Variants in WFIKKN1 observed in about 807,000 individuals in gnomAD.
WFIKKN1 encodes the protein WAP, Kazal, immunoglobulin, Kunitz and NTR domain-containing protein 1.
A neutral mutation model predicts 4.6 loss-of-function variants in WFIKKN1; 6 were observed. The ratio of observed to expected loss-of-function variants is 1.31; its 90% CI spans 0.72 to 2.59. The LOEUF is 2.59. Among genes scored for constraint, WFIKKN1 ranks in the 30% most tolerant of loss-of-function variants. The pLI, the probability that WFIKKN1 is intolerant of heterozygous loss-of-function variation, is 0.00. For missense variants in WFIKKN1, 964 were observed against 818.0 expected (o/e 1.18, Z -2.18); for synonymous variants, 468 against 367.4 (o/e 1.27, Z -3.13).
Position 631,404 on chromosome 16 carries a change from C to T in WFIKKN1, c.151C>T (p.Arg51Cys), listed in dbSNP as rs770412943. Residue 51 changes from arginine (R) to cysteine (C), a missense_variant, in exon 1 of 2, where the codon CGC becomes TGC. Physicochemically the swap from Arg to Cys is radical, Grantham distance 180 (BLOSUM62 -3). Coordinates refer to ENST00000319070, the MANE Select transcript of WFIKKN1 (RefSeq NM_053284.3). ...GGTGGACGCCCAGAGCACCTGTGAGCGCGAGTGTAGCAGGGACCAGGTGAG... is the reference window on the plus strand; with the variant it reads ...GGTGGACGCCCAGAGCACCTGTGAGTGCGAGTGTAGCAGGGACCAGGTGAG... ...LWVDAQSTCE[R>C]ECSRDQDCAA... is the part of the protein sequence containing the mutation. The T allele has an allele frequency of 8.7e-6, 14 of 1,609,222 alleles. No homozygotes were observed. Among genetic ancestry groups the T allele is most frequent in the East Asian group, 2.2e-5 (1 of 44,752 alleles).
At chr16:632,294 T>C (rs776054422) in intron 1 of WFIKKN1, 32 of 345,146 alleles carry the variant, frequency 9.3e-5, no homozygotes, top group Non-Finnish European at 1.4e-4. Context: ...ACCTGCTGGG[T>C]GGTCCTGAGC....
chr16:633,415 T>A lies in WFIKKN1; in HGVS notation c.1005T>A (p.Asp335Glu). Reference protein sequence around the residue: ...GCMTFPARGCDGAARGFETYE... With the variant: ...GCMTFPARGCEGAARGFETYE... ...TGACCTTCCCGGCCCGTGGCTGTGA[T>A]GGGGCGGCCCGCGGCTTTGAGACCT... is the stretch of plus-strand genomic sequence containing the variant. The change falls in exon 2 of 2, where the codon GAT becomes GAA. Residue 335 changes from aspartate (D) to glutamate (E), a missense_variant. Asp to Glu is a conservative substitution (Grantham distance 45). Coordinates refer to ENST00000319070, the MANE Select transcript of WFIKKN1 (RefSeq NM_053284.3). 6.4e-7 allele frequency: 1 copy of A among 1,552,096 alleles called. No homozygotes were observed. Among genetic ancestry groups the A allele is most frequent in the Non-Finnish European group, 8.6e-7 (1 of 1,158,046 alleles).
Position 633,829 on chromosome 16 carries a change from G to A in WFIKKN1, c.1419G>A (p.Leu473=). 6.2e-7 allele frequency: 1 copy of A among 1,602,334 alleles called. No individual in the cohort carries two copies. Among genetic ancestry groups the A allele is most frequent in the Non-Finnish European group, 8.5e-7 (1 of 1,175,010 alleles). Residue 473 remains leucine (L), a synonymous_variant, in exon 2 of 2, where the codon TTG becomes TTA. Transcript: ENST00000319070. ...ATGACAAGATGGGCCTCAAGTTCTT[G>A]GGCACCAAGTACCTGGAGGTGACGC... ...LKDDKMGLKF[L]GTKYLEVTLS...
rs568734390 is a variant in WFIKKN1 at position 632,695 on chromosome 16, C to T, written c.285C>T (p.Gly95=). The T allele has an allele frequency of 6.2e-7, 1 of 1,609,468 alleles. No individual in the cohort carries two copies. Among genetic ancestry groups the T allele is most frequent in the East Asian group, 2.2e-5 (1 of 44,726 alleles). Residue 95 remains glycine (G), a synonymous_variant, in exon 2 of 2, where the codon GGC becomes GGT. Transcript: ENST00000319070. ...AAPTTAASCE[G]FVCPQQGSDC... The stretch of plus-strand genomic sequence containing the variant: ...CGACGACAGCGGCCTCCTGCGAGGG[C>T]TTTGTGTGCCCACAGCAGGGCTCGG...
rs753516170 is a variant in WFIKKN1, at chr16:632,760, G to A, written c.350G>A (p.Arg117His). ...IWDGQPVCRC[R>H]DRCEKEPSFT... ...GACGGGCAGCCCGTGTGCCGCTGCC[G>A]CGACCGCTGTGAGAAGGAGCCCAGC... The change falls in exon 2 of 2, where the codon CGC becomes CAC. Residue 117 changes from arginine to histidine, a missense_variant. By Grantham distance (29) the Arg-to-His change is conservative. Transcript: ENST00000319070. 23 of 1,608,162 alleles carry A rather than the reference G, an allele frequency of 1.4e-5. No homozygotes were observed. Among genetic ancestry groups the A allele is most frequent in the South Asian group, 4.4e-5 (4 of 90,634 alleles).
In WFIKKN1 at chr16:633,624, G is replaced by T; in HGVS notation, c.1214G>T (p.Cys405Phe). The T allele has an allele frequency of 6.4e-7, 1 of 1,572,344 alleles. No individual in the cohort carries two copies. The change falls in exon 2 of 2, where the codon TGC (cysteine) becomes TTC (phenylalanine). Residue 405 changes from cysteine (C) to phenylalanine (F), a missense_variant. Physicochemically the swap from Cys to Phe is radical, Grantham distance 205. Coordinates refer to ENST00000319070, the MANE Select transcript of WFIKKN1 (RefSeq NM_053284.3). ...NGNNFHSRES[C>F]EDACPVPRTP... Reference sequence around the variant, plus strand: ...AACAACTTCCACAGCCGCGAGAGCTGCGAGGATGCCTGCCCCGTGCCGCGC... The same window carrying T: ...AACAACTTCCACAGCCGCGAGAGCTTCGAGGATGCCTGCCCCGTGCCGCGC...
At position 631,035 on chromosome 16, in the gene WFIKKN1, G is replaced by C. The variant is rs1211621120; in HGVS notation, c.-219G>C. On this transcript the variant is annotated 5_prime_UTR_variant, in exon 1 of 2. Coordinates refer to ENST00000319070, the MANE Select transcript of WFIKKN1 (RefSeq NM_053284.3). ...GAGAGGAACCAGCGTCACACAGACGGCCTCTGAGAACTTGGAGACCCCGTT... is the reference window on the plus strand; with the variant it reads ...GAGAGGAACCAGCGTCACACAGACGCCCTCTGAGAACTTGGAGACCCCGTT... 3.5e-6 allele frequency: 2 copies of C among 572,554 alleles called. No individual in the cohort carries two copies. Among genetic ancestry groups the C allele is most frequent in the African/African-American group, 3.9e-5 (2 of 51,158 alleles). 35.5% of individuals were successfully genotyped at this position (572,554 alleles called of 1,614,324 possible). A position where few individuals can be genotyped will look rare whatever the true frequency, so the allele number is the denominator to read the frequency against.
rs768242278 is a variant in WFIKKN1, at chr16:633,667, C to T, written c.1257C>T (p.Ala419=). The T allele has an allele frequency of 7.6e-6, 12 of 1,576,480 alleles. No individual in the cohort carries two copies. The highest frequency in any genetic ancestry group is 2.7e-5 in the African/African-American group (2 of 73,516). ...TGCCGCGCACACCGCCCTGCCGCGC[C>T]TGCCGCCTCCGGAGCAAGCTGGCGC... is the stretch of plus-strand genomic sequence containing the variant. ...CPVPRTPPCR[A]CRLRSKLALS... Residue 419 remains alanine, a synonymous_variant, in exon 2 of 2, where the codon GCC becomes GCT. Transcript: ENST00000319070.
chr16:632,799 C>T lies in WFIKKN1; in HGVS notation c.389C>T (p.Ser130Leu), dbSNP rs994605718. Residue 130 changes from serine to leucine, a missense_variant, in exon 2 of 2, where the codon TCG (serine) becomes TTG (leucine). Coordinates refer to ENST00000319070, the MANE Select transcript of WFIKKN1 (RefSeq NM_053284.3). Reference protein sequence around the residue: ...CEKEPSFTCASDGLTYYNRCY... With the variant: ...CEKEPSFTCALDGLTYYNRCY... ...AAGGAGCCCAGCTTCACCTGCGCCT[C>T]GGACGGCCTCACCTACTACAACCGC... 3.8e-6 allele frequency: 6 copies of T among 1,597,880 alleles called. No individual in the cohort carries two copies. Among genetic ancestry groups the T allele is most frequent in the South Asian group, 1.1e-5 (1 of 89,276 alleles).
chr16:631,278 CCG>C lies in WFIKKN1; in HGVS notation c.27_28del (p.Leu10ProfsTer40). 2.5e-6 allele frequency: 4 copies of C among 1,584,160 alleles called. No homozygotes were observed. Among genetic ancestry groups the C allele is most frequent in the Non-Finnish European group, 3.4e-6 (4 of 1,172,422 alleles). MPALRPLL[P>X]LLLLLRLTSG... The stretch of plus-strand genomic sequence containing the variant: ...CATGCCCGCCCTACGTCCACTCCTG[CCG>C]CTCCTGCTCCTCCTCCGGCTGACCT... On this transcript the variant is annotated frameshift_variant, in exon 1 of 2. Coordinates refer to ENST00000319070, the MANE Select transcript of WFIKKN1 (RefSeq NM_053284.3). LOFTEE classifies it high-confidence loss of function.
At position 633,151 on chromosome 16, in the gene WFIKKN1, G is replaced by A. The variant is rs780040390; in HGVS notation, c.741G>A (p.Gln247=). The A allele has an allele frequency of 1.9e-6, 3 of 1,604,572 alleles. No homozygotes were observed. The highest frequency in any genetic ancestry group is 2.6e-6 in the Non-Finnish European group (3 of 1,174,394). ...YGNVVVTSIG[Q]LVLYNARPED... is the part of the protein sequence containing the mutation. Reference sequence around the variant, plus strand: ...ACGTGGTGGTCACCAGCATCGGGCAGCTGGTGCTCTACAACGCGCGGCCCG... The same window carrying A: ...ACGTGGTGGTCACCAGCATCGGGCAACTGGTGCTCTACAACGCGCGGCCCG... The change falls in exon 2 of 2, where the codon CAG becomes CAA. Residue 247 remains glutamine (Q), a synonymous_variant. Coordinates refer to ENST00000319070, the MANE Select transcript of WFIKKN1 (RefSeq NM_053284.3).
At position 633,113 on chromosome 16, in the gene WFIKKN1, C is replaced by T; in HGVS notation, c.703C>T (p.Gln235Ter). ...QRENLIMRPD[Q>*]MYGNVVVTSI... The stretch of plus-strand genomic sequence containing the variant: ...AGAGAACCTGATCATGCGCCCTGAT[C>T]AGATGTATGGCAACGTGGTGGTCAC... Residue 235 changes from glutamine to a stop codon, truncating the protein, a stop_gained, in exon 2 of 2, where the codon CAG becomes TAG. Coordinates refer to ENST00000319070, the MANE Select transcript of WFIKKN1 (RefSeq NM_053284.3). LOFTEE classifies it low-confidence loss of function (END_TRUNC). 1.2e-6 allele frequency: 2 copies of T among 1,611,020 alleles called. No homozygotes were observed. The highest frequency in any genetic ancestry group is 8.5e-7 in the Non-Finnish European group (1 of 1,178,756).
rs754083591 is a variant in WFIKKN1, at chr16:633,571, C to A, written c.1161C>A (p.Phe387Leu). 2 of 1,562,002 alleles carry A rather than the reference C, an allele frequency of 1.3e-6. No individual in the cohort carries two copies. Among genetic ancestry groups the A allele is most frequent in the East Asian group, 2.4e-5 (1 of 41,824 alleles). Residue 387 changes from phenylalanine (F) to leucine (L), a missense_variant, in exon 2 of 2, where the codon TTC (phenylalanine) becomes TTA (leucine). Coordinates refer to ENST00000319070, the MANE Select transcript of WFIKKN1 (RefSeq NM_053284.3). Reference protein sequence around the residue: ...YSPLLQQCHPFVYGGCEGNGN... With the variant: ...YSPLLQQCHPLVYGGCEGNGN... ...CGCTGCTGCAGCAGTGCCATCCCTTCGTGTACGGTGGCTGCGAGGGCAACG... is the reference window on the plus strand; with the variant it reads ...CGCTGCTGCAGCAGTGCCATCCCTTAGTGTACGGTGGCTGCGAGGGCAACG...
rs767140465 is a variant in WFIKKN1, at chr16:633,313, G to C, written c.903G>C (p.Pro301=). The stretch of plus-strand genomic sequence containing the variant: ...TCCCAGCCCCGGCCGAGTGCCTGCC[G>C]GATGTGCAGGCCTGCACGGGCCCCA... ...PSIPAPAECL[P]DVQACTGPTS... The change falls in exon 2 of 2, where the codon CCG becomes CCC. Residue 301 remains proline, a synonymous_variant. Coordinates refer to ENST00000319070, the MANE Select transcript of WFIKKN1 (RefSeq NM_053284.3). 16 of 1,594,392 alleles carry C rather than the reference G, an allele frequency of 1.0e-5. No individual in the cohort carries two copies. The highest frequency in any genetic ancestry group is 3.4e-5 in the Admixed American group (2 of 59,126).
rs374542712 is a variant in WFIKKN1, at chr16:631,203, C to T, written c.-51C>T. The T allele has an allele frequency of 8.4e-3, 12,691 of 1,514,170 alleles. 70 individuals carry two copies. Among genetic ancestry groups the T allele is most frequent in the Non-Finnish European group, 0.01 (11,887 of 1,136,368 alleles). The allele number at this position is 1,514,170 out of a possible 1,614,324, so 93.8% of individuals were successfully genotyped here. A position where few individuals can be genotyped will look rare whatever the true frequency, so the allele number is the denominator to read the frequency against. ...GCAGGAAGCTGGGCTCTGTGGAGCC[C>T]GAGGAGGGGCTGGTGGCCACACCCC... is the stretch of plus-strand genomic sequence containing the variant. On this transcript the variant is annotated 5_prime_UTR_variant, in exon 1 of 2. Transcript: ENST00000319070.
Position 633,497 on chromosome 16 carries a change from GC to G in WFIKKN1, c.1089del (p.Val364CysfsTer65). On this transcript the variant is annotated frameshift_variant, in exon 2 of 2. Transcript: ENST00000319070. LOFTEE classifies it low-confidence loss of function (END_TRUNC). The part of the protein sequence containing the change: ...RGPGDACVLP[A>X]VQGPCRGWEP... ...CCCCGGCGACGCCTGCGTGCTGCCT[GC>G]CGTGCAGGGCCCCTGCCGGGGCTGG... 1 of 1,507,068 alleles carries G rather than the reference GC, an allele frequency of 6.6e-7. No homozygotes were observed. The allele number at this position is 1,507,068 out of a possible 1,614,324, so 93.4% of individuals were successfully genotyped here. A position where few individuals can be genotyped will look rare whatever the true frequency, so the allele number is the denominator to read the frequency against.
In WFIKKN1 at chr16:631,201, C is replaced by A. The variant is rs2036944372; in HGVS notation, c.-53C>A. 1.3e-5 allele frequency: 19 copies of A among 1,512,044 alleles called. No individual in the cohort carries two copies. In the South Asian group the frequency reaches 2.2e-4, roughly 18 times the overall value. The allele number at this position is 1,512,044 out of a possible 1,614,324, so 93.7% of individuals were successfully genotyped here. A position where few individuals can be genotyped will look rare whatever the true frequency, so the allele number is the denominator to read the frequency against. Reference sequence around the variant, plus strand: ...CTGCAGGAAGCTGGGCTCTGTGGAGCCCGAGGAGGGGCTGGTGGCCACACC... The same window carrying A: ...CTGCAGGAAGCTGGGCTCTGTGGAGACCGAGGAGGGGCTGGTGGCCACACC... On this transcript the variant is annotated 5_prime_UTR_variant, in exon 1 of 2. Transcript: ENST00000319070.
chr16:633,553 G>A lies in WFIKKN1; in HGVS notation c.1143G>A (p.Leu381=). 1 of 1,543,998 alleles carries A rather than the reference G, an allele frequency of 6.5e-7. No individual in the cohort carries two copies. The highest frequency in any genetic ancestry group is 8.7e-7 in the Non-Finnish European group (1 of 1,153,546). ...CGCGCTGGGCCTACAGCCCGCTGCT[G>A]CAGCAGTGCCATCCCTTCGTGTACG... ...WEPRWAYSPL[L]QQCHPFVYGG... is the part of the protein sequence containing the mutation. The change falls in exon 2 of 2, where the codon CTG becomes CTA. Residue 381 remains leucine (L), a synonymous_variant. Transcript: ENST00000319070.
intron 1 of WFIKKN1, 54 bp from the exon 2 acceptor site, chr16:632,528 G>C (rs1416694841): frequency 1.4e-6 from 2 of 1,438,386 alleles, no homozygotes; most frequent in African/African-American, 1.5e-5. Flanking sequence ...GGCCAGGCCA[G>C]AGCCCCGGGG....
Sources: allele counts gnomAD v4.1 joint callset, GRCh38; gene constraint gnomAD v4.1.1; transcripts MANE v1.5; gene names NCBI Gene and HGNC (gene_info 2026-07-23, HGNC 2026-07-21).